CNTN4: variants seen among roughly 807,000 people sequenced by gnomAD.
CNTN4 encodes the protein contactin-4.
A neutral mutation model predicts 122.5 loss-of-function variants in CNTN4; 77 were observed. The ratio of observed to expected loss-of-function variants is 0.63; its 90% CI spans 0.52 to 0.76. The LOEUF (loss-of-function observed/expected upper bound fraction) is 0.76. Among genes scored for constraint, CNTN4 ranks in the 30% least tolerant of loss-of-function variants. CNTN4 has a pLI of 0.00. For synonymous variants in CNTN4, 512 were observed against 447.0 expected (o/e 1.15, Z -1.83); for missense variants, 1,256 against 1,259.1 (o/e 1.00, Z 0.04).
At chr3:2,949,299 G>C (rs1341656735) in intron 13 of CNTN4, among the ~76,000 whole-genome samples, 1 of 152,116 alleles carries the variant, frequency 6.6e-6, no homozygotes, top group Non-Finnish European at 1.5e-5. Flanking sequence ...CAAAACGAGT[G>C]TGATGGAAAG....
At chr3:2,533,844 A>G (rs2077693944) in intron 3 of CNTN4, among the ~76,000 whole-genome samples, 5 of 151,864 alleles carry the variant, frequency 3.3e-5, no homozygotes, top group Admixed American at 2.6e-4. Flanking sequence ...TTTGATTTGC[A>G]TTTCTTTGAT....
rs550189004 is a variant in CNTN4, at chr3:2,419,322, G to A, written c.-89+80089G>A. Among the ~76,000 whole-genome samples the A allele has an allele frequency of 2.1e-4, 32 of 152,164 alleles. No homozygotes were observed. The South Asian group carries it at 3.5e-3, about 17-fold the overall frequency. Reference sequence around the variant, plus strand: ...CATTCAACTTTATTAAGACTTTATAGTTTTTAGGAATAGAGTTAATAAAGA... The same window carrying A: ...CATTCAACTTTATTAAGACTTTATAATTTTTAGGAATAGAGTTAATAAAGA... On this transcript the variant is annotated intron_variant, in intron 3 of 24. Coordinates refer to ENST00000418658, the MANE Select transcript of CNTN4 (RefSeq NM_175607.3).
intron 3 of CNTN4, among the ~76,000 whole-genome samples, chr3:2,452,814 A>T (rs535642577): frequency 1.1e-3 from 166 of 152,150 alleles, no homozygotes; most frequent in Non-Finnish European, 1.1e-3. Context: ...AATACAAAAC[A>T]ATGTCAGGGA....
chr3:2,306,326 T>G (rs2042702070), intron 2 of CNTN4, among the ~76,000 whole-genome samples: 1 of 152,224 alleles, frequency 6.6e-6, no homozygotes, highest in Admixed American at 6.5e-5. Flanking sequence ...TGCTTGTTTT[T>G]TAACTATAGT....
chr3:2,438,228 T>C (rs948205923), intron 3 of CNTN4, among the ~76,000 whole-genome samples: 1 of 152,150 alleles, frequency 6.6e-6, no homozygotes, highest in Non-Finnish European at 1.5e-5. Context: ...ATTTTAAAAC[T>C]GTGTTATTTG....
rs56014308 is a variant in CNTN4, at chr3:2,287,711, G to GGAAGAAGAA, written c.-144-51408_-144-51400dup. On this transcript the variant is annotated intron_variant, in intron 2 of 24. Transcript: ENST00000418658. ...AAGAAGAGGAAGAAGAAGAAGAAGAGGAAGAAGAAGAAGAAGAAGAAGAAG... is the reference window on the plus strand; with the variant it reads ...AAGAAGAGGAAGAAGAAGAAGAAGAGGAAGAAGAAGAAGAAGAAGAAGAAGAAGAAGAAG... 1.5e-3 allele frequency among the ~76,000 whole-genome samples: 99 copies of GGAAGAAGAA among 65,460 alleles called. 2 individuals carry two copies. The highest frequency in any genetic ancestry group is 5.5e-3 in the African/African-American group (90 of 16,406). 42.9% of individuals were successfully genotyped at this position (65,460 alleles called of 152,430 possible).
Position 2,848,941 on chromosome 3 carries a change from G to A in CNTN4, c.455-17811G>A, listed in dbSNP as rs2150613693. Among the ~76,000 whole-genome samples, 2 of 152,268 alleles carry A rather than the reference G, an allele frequency of 1.3e-5. 1 individual carries two copies. The highest frequency in any genetic ancestry group is 1.3e-4 in the Admixed American group (2 of 15,296). ...TCGTATAGCATCTACTAAGAGTCGG[G>A]GAGAAATGATTCCTGATTTTAAAAA... is the stretch of plus-strand genomic sequence containing the variant. On this transcript the variant is annotated intron_variant, in intron 7 of 24. Transcript: ENST00000418658.
chr3:2,497,030 C>G, intron 3 of CNTN4, among the ~76,000 whole-genome samples: 1 of 152,044 alleles, frequency 6.6e-6, no homozygotes, highest in African/African-American at 2.4e-5. Flanking sequence ...TATCAAGGAC[C>G]CAGGTGATGC....
In CNTN4 at chr3:2,834,095, G is replaced by T. The variant is rs9883366; in HGVS notation, c.454+14514G>T. Among the ~76,000 whole-genome samples, 24 of 152,032 alleles carry T rather than the reference G, an allele frequency of 1.6e-4. No homozygotes were observed. The South Asian group carries it at 5.0e-3, about 32-fold the overall frequency. ...CGGGAGGCAGAGGTTGCAGTAAGCC[G>T]AGATCGCCACTGCTCTCCAGCCTGG... On this transcript the variant is annotated intron_variant, in intron 7 of 24. Transcript: ENST00000418658.
At chr3:2,629,410 T>A (rs1265070721) in intron 4 of CNTN4, 8 of 343,470 alleles carry the variant, frequency 2.3e-5, no homozygotes, top group Middle Eastern at 3.9e-4. Flanking sequence ...CATCTAATTT[T>A]AAAAAAATAC....
At position 2,211,174 on chromosome 3, in the gene CNTN4, A is replaced by T. The variant is rs140291076; in HGVS notation, c.-145+110535A>T. On this transcript the variant is annotated intron_variant, in intron 2 of 24. Coordinates refer to ENST00000418658, the MANE Select transcript of CNTN4 (RefSeq NM_175607.3). ...TAGGAGCAGGCACATCATATGTCAA[A>T]AGCAGAAGCAAGAGAGAGTGTGGCG... 4.3e-4 allele frequency among the ~76,000 whole-genome samples: 66 copies of T among 152,214 alleles called. 1 individual carries two copies. In the East Asian group the frequency reaches 0.012, roughly 28 times the overall value.
intron 17 of CNTN4, among the ~76,000 whole-genome samples, chr3:3,035,085 A>G (rs1699484801): frequency 6.6e-6 from 1 of 152,044 alleles, no homozygotes; most frequent in African/African-American, 2.4e-5. Flanking sequence ...AGTTGGATGG[A>G]TCGCGTGAGC....
At chr3:2,802,773 C>T (rs972813427) in intron 6 of CNTN4, among the ~76,000 whole-genome samples, 5 of 151,974 alleles carry the variant, frequency 3.3e-5, no homozygotes, top group Admixed American at 6.6e-5. Context: ...TGTAGACACC[C>T]GGCAGTATGG....
intron 3 of CNTN4, among the ~76,000 whole-genome samples, chr3:2,366,014 G>T (rs1405670296): frequency 1.3e-5 from 2 of 152,022 alleles, no homozygotes; most frequent in South Asian, 2.1e-4. Context: ...TTATCCTTTG[G>T]GGGTGAGGAA....
intron 10 of CNTN4, among the ~76,000 whole-genome samples, chr3:2,895,896 G>A (rs1226246860): frequency 2.6e-5 from 4 of 152,192 alleles, no homozygotes; most frequent in Admixed American, 6.5e-5. Context: ...AGCCGAGCGT[G>A]GTGGCGGGCG....
chr3:2,988,746 C>T (rs941379461), intron 14 of CNTN4: 2 of 390,178 alleles, frequency 5.1e-6, no homozygotes, highest in East Asian at 5.0e-5. Flanking sequence ...ATGTTATCTT[C>T]AATCCTTTAA....
At chr3:2,193,248 C>T (rs1445928842) in intron 2 of CNTN4, among the ~76,000 whole-genome samples, 1 of 151,982 alleles carries the variant, frequency 6.6e-6, no homozygotes, top group Non-Finnish European at 1.5e-5. Context: ...CATATCCTAG[C>T]ATCTATGGCA....
intron 14 of CNTN4, among the ~76,000 whole-genome samples, chr3:2,995,296 T>C (rs1499129): frequency 0.024 from 3,641 of 152,280 alleles, 132 homozygotes; most frequent in African/African-American, 0.081. Context: ...TGTGATTATT[T>C]CCTCTGACAT....
Position 2,571,573 on chromosome 3 carries a change from TAAAACTTTTTGATTTAG to T in CNTN4, c.55+19_55+35del. The T allele has an allele frequency of 6.2e-7, 1 of 1,601,586 alleles. No individual in the cohort carries two copies. The highest frequency in any genetic ancestry group is 8.6e-7 in the Non-Finnish European group (1 of 1,168,638). On this transcript the variant is annotated intron_variant, in intron 4 of 24. Coordinates refer to ENST00000418658, the MANE Select transcript of CNTN4 (RefSeq NM_175607.3). ...GTGCCTTGCAGGTAGAGTGTCATTT[TAAAACTTTTTGATTTAG>T]AAATGCCACTGTATTTCACACTAAT...
Sources: gnomAD v4.1 joint callset for allele counts (sites outside exome capture counted in the v4.1 genomes callset) on GRCh38, gnomAD v4.1.1 for gene constraint, MANE v1.5 for transcripts, NCBI Gene and HGNC (gene_info 2026-07-23, HGNC 2026-07-21) for gene names.